Variants in ATP10A observed in about 807,000 individuals in gnomAD.
ATP10A encodes phospholipid-transporting ATPase VA.
Under a neutral mutation model 147.8 loss-of-function variants are expected in ATP10A, and 111 were observed. The ratio of observed to expected loss-of-function variants is 0.75; its 90% CI spans 0.64 to 0.88. The LOEUF is 0.88. Ranked by LOEUF, ATP10A falls within the 40% of genes least tolerant of loss-of-function variation. The pLI is 0.00. For synonymous variants in ATP10A, 875 were observed against 841.6 expected, an observed-to-expected ratio of 1.04 and a Z score of -0.69; for missense variants, 1,927 against 1,959.0, an observed-to-expected ratio of 0.98 and a Z score of 0.31.
Position 25,680,304 on chromosome 15 carries a change from C to G in ATP10A, c.3683G>C (p.Trp1228Ser), listed in dbSNP as rs115720774. ...HLGIETKTWT[W>S]LNWITCGFSV... ...GAAGCCACACGTTATCCAGTTGAGC[C>G]AGGTCTGAGGGGGAATGAGAAAGAA... The change falls in exon 20 of 21, where the codon TGG (tryptophan) becomes TCG (serine). Residue 1228 changes from tryptophan (W) to serine (S), a missense_variant. Coordinates refer to ENST00000555815, the MANE Select transcript of ATP10A (RefSeq NM_024490.4). 1.2e-6 allele frequency: 2 copies of G among 1,614,088 alleles called. No homozygotes were observed. The highest frequency in any genetic ancestry group is 4.5e-5 in the East Asian group (2 of 44,876).
At chr15:25,703,449 G>T (rs1258495641) in intron 12 of ATP10A, among the ~76,000 whole-genome samples, 1 of 152,212 alleles carries the variant, frequency 6.6e-6, no homozygotes, top group African/African-American at 2.4e-5. Flanking sequence ...TGCAAACCAG[G>T]AGGAGATCCC....
At chr15:25,789,931 C>A (rs759002213) in intron 1 of ATP10A, among the ~76,000 whole-genome samples, 3 of 152,084 alleles carry the variant, frequency 2.0e-5, no homozygotes, top group Non-Finnish European at 4.4e-5. Flanking sequence ...CAAAATCGCT[C>A]CCGGTTGAGA....
At chr15:25,844,997 A>G (rs1451958442) in intron 1 of ATP10A, among the ~76,000 whole-genome samples, 2 of 152,212 alleles carry the variant, frequency 1.3e-5, no homozygotes, top group Non-Finnish European at 2.9e-5. Context: ...ATGAATGAAA[A>G]GGTTTTCCAT....
chr15:25,789,223 A>G (rs1333056453), intron 1 of ATP10A, among the ~76,000 whole-genome samples: 1 of 152,144 alleles, frequency 6.6e-6, no homozygotes, highest in Non-Finnish European at 1.5e-5. Flanking sequence ...AGCCTCCCAA[A>G]GTGCTGGGAT....
intron 13 of ATP10A, among the ~76,000 whole-genome samples, chr15:25,696,271 G>T (rs73361177): frequency 6.6e-6 from 1 of 152,220 alleles, no homozygotes; most frequent in Non-Finnish European, 1.5e-5. Context: ...AGTTACTGCC[G>T]TAGGGGGAAC....
At chr15:25,681,161 G>T in intron 17 of ATP10A, 87 bp from the exon 18 acceptor site, 1 of 1,352,252 alleles carries the variant, frequency 7.4e-7, no homozygotes, top group African/African-American at 1.9e-5. Flanking sequence ...AGTCACTTGT[G>T]TTAAAAACAA....
At chr15:25,762,393 C>T (rs1245457564) in intron 2 of ATP10A, among the ~76,000 whole-genome samples, 1 of 152,188 alleles carries the variant, frequency 6.6e-6, no homozygotes, top group Non-Finnish European at 1.5e-5. Context: ...CTTTCTGCCT[C>T]AGCCTCCCGA....
chr15:25,759,129 CT>C (rs1888613935), intron 2 of ATP10A, among the ~76,000 whole-genome samples: 1 of 152,238 alleles, frequency 6.6e-6, no homozygotes, highest in Non-Finnish European at 1.5e-5. Context: ...ATTGTTCCAT[CT>C]GTAAGGGCGC....
At chr15:25,704,286 C>T (rs1900845627) in intron 12 of ATP10A, among the ~76,000 whole-genome samples, 1 of 152,008 alleles carries the variant, frequency 6.6e-6, no homozygotes, top group African/African-American at 2.4e-5. Flanking sequence ...TAATGGCTAA[C>T]CTTGATGGAT....
chr15:25,754,233 A>G (rs1271267262), intron 2 of ATP10A, among the ~76,000 whole-genome samples: 1 of 152,170 alleles, frequency 6.6e-6, no homozygotes, highest in Non-Finnish European at 1.5e-5. Flanking sequence ...TCCTGGGTTC[A>G]AGAGATTCTC....
chr15:25,754,295 A>G (rs1221907876), intron 2 of ATP10A, among the ~76,000 whole-genome samples: 1 of 151,956 alleles, frequency 6.6e-6, no homozygotes, highest in East Asian at 1.9e-4. Context: ...CACCATGCCC[A>G]GCTAATTTGT....
At chr15:25,862,020 C>T (rs1893782611) in intron 1 of ATP10A, 1 of 334,768 alleles carries the variant, frequency 3.0e-6, no homozygotes, top group Non-Finnish European at 5.9e-6. Context: ...GCCTCTTTCC[C>T]CCAGGAAGCA....
rs755699101 is a variant in ATP10A at position 25,862,766 on chromosome 15, C to T, written c.331G>A (p.Ala111Thr). The T allele has an allele frequency of 2.5e-6, 4 of 1,611,126 alleles. No homozygotes were observed. The highest frequency in any genetic ancestry group is 3.4e-6 in the Non-Finnish European group (4 of 1,178,784). ...AGGATGAAGAGCACCGGCGCCAGTG[C>T]CAGGCCGGGCTGGAAGGCGTTCACC... ...PAVNAFQPGL[A>T]LAPVLFILAI... is the part of the protein sequence containing the mutation. The change falls in exon 1 of 21, where the codon GCA (alanine) becomes ACA (threonine). Residue 111 changes from alanine (A) to threonine (T), a missense_variant. Physicochemically the swap from Ala to Thr is moderately conservative, Grantham distance 58. Coordinates refer to ENST00000555815, the MANE Select transcript of ATP10A (RefSeq NM_024490.4).
chr15:25,733,983 C>T (rs1037285737), intron 3 of ATP10A, among the ~76,000 whole-genome samples: 1 of 152,174 alleles, frequency 6.6e-6, no homozygotes, highest in Admixed American at 6.5e-5. Flanking sequence ...GAGGCATCTT[C>T]CCCGGCACCC....
rs756191811 is a variant in ATP10A at position 25,691,750 on chromosome 15, C to T, written c.3130G>A (p.Val1044Met). 6.2e-7 allele frequency: 1 copy of T among 1,614,238 alleles called. No individual in the cohort carries two copies. Among genetic ancestry groups the T allele is most frequent in the Non-Finnish European group, 8.5e-7 (1 of 1,180,048 alleles). The change falls in exon 15 of 21, where the codon GTG becomes ATG. Residue 1044 changes from valine (V) to methionine (M), a missense_variant. Physicochemically the swap from Val to Met is conservative, Grantham distance 21 (BLOSUM62 1). Transcript: ENST00000555815. ...TCCTGGCCGGAGATTCCCACACCCA[C>T]ATCTGCCACCTGGATCATGCTGACA... The part of the protein sequence containing the change: ...NDVSMIQVAD[V>M]GVGISGQEGM...
intron 1 of ATP10A, among the ~76,000 whole-genome samples, chr15:25,784,787 T>C (rs1485372691): frequency 2.0e-5 from 3 of 151,872 alleles, no homozygotes; most frequent in Non-Finnish European, 2.9e-5. Context: ...CCAGGTGTGG[T>C]GGCACGTGCC....
chr15:25,761,989 C>A (rs1008312116), intron 2 of ATP10A, among the ~76,000 whole-genome samples: 7 of 152,146 alleles, frequency 4.6e-5, no homozygotes, highest in Non-Finnish European at 1.0e-4. Flanking sequence ...AAAATCTCAT[C>A]TTGAATTGTG....
intron 2 of ATP10A, among the ~76,000 whole-genome samples, chr15:25,737,038 A>G (rs1042062141): frequency 3.3e-5 from 5 of 152,232 alleles, no homozygotes; most frequent in Admixed American, 3.3e-4. Flanking sequence ...CATAAAGGTA[A>G]TTACTCAAAA....
intron 14 of ATP10A, 134 bp downstream of exon 14, chr15:25,694,685 A>T (rs759091058): frequency 1.2e-6 from 1 of 834,034 alleles, no homozygotes. Context: ...TGCCTGCTCT[A>T]TCACACTGGG....
Sources: allele counts gnomAD v4.1 joint callset (sites outside exome capture counted in the v4.1 genomes callset), GRCh38; gene constraint gnomAD v4.1.1; transcripts MANE v1.5; gene names NCBI Gene and HGNC (gene_info 2026-07-23, HGNC 2026-07-21).